CTNND2: variants seen among roughly 807,000 people sequenced by gnomAD.
CTNND2 encodes catenin delta-2.
CTNND2 carries 22 observed loss-of-function variants against 144.4 expected under a neutral mutation model. The observed-to-expected ratio is 0.15, with a 90% CI of 0.11 to 0.22. The LOEUF (loss-of-function observed/expected upper bound fraction) is 0.22, where lower values mean the gene tolerates loss of function less well. Ranked by LOEUF, CTNND2 falls within the 10% of genes least tolerant of loss-of-function variation. The pLI is 1.00. For synonymous variants in CTNND2, 751 were observed against 695.6 expected, an observed-to-expected ratio of 1.08 and a Z score of -1.25; for missense variants, 1,353 against 1,618.8, an observed-to-expected ratio of 0.84 and a Z score of 2.82.
intron 1 of CTNND2, among the ~76,000 whole-genome samples, chr5:11,857,091 T>TG (rs1795287417): frequency 6.6e-6 from 1 of 152,334 alleles, no homozygotes; most frequent in South Asian, 2.1e-4. Context: ...CTTATACTAC[T>TG]GACATCAGGA....
chr5:11,408,566 G>A (rs1032469231), intron 5 of CTNND2, among the ~76,000 whole-genome samples: 6 of 152,010 alleles, frequency 3.9e-5, no homozygotes, highest in African/African-American at 1.4e-4. Flanking sequence ...GGATGAAGGA[G>A]CTTTCAAAAG....
intron 16 of CTNND2, among the ~76,000 whole-genome samples, chr5:11,054,860 C>T (rs1156451477): frequency 1.3e-5 from 2 of 152,102 alleles, no homozygotes; most frequent in Non-Finnish European, 2.9e-5. Context: ...ATATAAAGAG[C>T]CTTTACATTT....
intron 10 of CTNND2, among the ~76,000 whole-genome samples, chr5:11,227,718 T>C (rs1319051777): frequency 6.6e-6 from 1 of 152,182 alleles, no homozygotes; most frequent in Non-Finnish European, 1.5e-5. Flanking sequence ...GTATGCATAT[T>C]TTATGCACAG....
chr5:11,647,391 A>G (rs1217945986), intron 2 of CTNND2, among the ~76,000 whole-genome samples: 1 of 152,024 alleles, frequency 6.6e-6, no homozygotes, highest in Non-Finnish European at 1.5e-5. Context: ...TGTGGAATCC[A>G]ACATCAGCTG....
intron 16 of CTNND2, among the ~76,000 whole-genome samples, chr5:11,049,228 G>A (rs1470496394): frequency 6.6e-6 from 1 of 152,130 alleles, no homozygotes; most frequent in Non-Finnish European, 1.5e-5. Context: ...CTTCTCACCT[G>A]CCTCAATAAC....
intron 9 of CTNND2, among the ~76,000 whole-genome samples, chr5:11,302,352 C>T (rs181951622): frequency 5.1e-4 from 78 of 152,172 alleles, no homozygotes; most frequent in Admixed American, 1.0e-3. Flanking sequence ...GAGTCTTGCA[C>T]ACCTGGAGAC....
intron 16 of CTNND2, among the ~76,000 whole-genome samples, chr5:11,067,725 T>C (rs1262001609): frequency 6.6e-6 from 1 of 152,208 alleles, no homozygotes; most frequent in African/African-American, 2.4e-5. Flanking sequence ...TTGTCAGTGT[T>C]ATATTTGCAT....
intron 9 of CTNND2, among the ~76,000 whole-genome samples, chr5:11,335,099 C>T (rs1213917595): frequency 6.6e-6 from 1 of 152,138 alleles, no homozygotes; most frequent in African/African-American, 2.4e-5. Context: ...CTAAAGCACA[C>T]TTGGTTCAGC....
intron 7 of CTNND2, among the ~76,000 whole-genome samples, chr5:11,377,148 TC>T (rs1414695932): frequency 6.6e-6 from 1 of 152,008 alleles, no homozygotes; most frequent in African/African-American, 2.4e-5. Flanking sequence ...CCTCCTGGGT[TC>T]AAGCAATGCT....
intron 11 of CTNND2, among the ~76,000 whole-genome samples, chr5:11,162,546 C>A (rs1331632492): frequency 6.6e-6 from 1 of 152,194 alleles, no homozygotes; most frequent in Admixed American, 6.5e-5. Context: ...GATCACAGTA[C>A]TTGATCCATA....
At chr5:11,533,851 G>A (rs1309288147) in intron 3 of CTNND2, among the ~76,000 whole-genome samples, 2 of 152,172 alleles carry the variant, frequency 1.3e-5, no homozygotes, top group Non-Finnish European at 2.9e-5. Flanking sequence ...AATGTTCCTA[G>A]GCCTAGAACC....
Position 11,364,884 on chromosome 5 carries a change from G to C in CTNND2, c.1184C>G (p.Ser395Cys). 6.2e-7 allele frequency: 1 copy of C among 1,610,634 alleles called. No individual in the cohort carries two copies. The highest frequency in any genetic ancestry group is 8.5e-7 in the Non-Finnish European group (1 of 1,178,608). ...LQRPGSLAAGSRASYSSQHGH... is the reference protein window; with the variant it reads ...LQRPGSLAAGCRASYSSQHGH... ...ATGCTGGCTGCTGTATGAGGCTCGGGAACCAGCTGAAATAAATCAACAGAG... is the reference window on the plus strand; with the variant it reads ...ATGCTGGCTGCTGTATGAGGCTCGGCAACCAGCTGAAATAAATCAACAGAG... Residue 395 changes from serine (S) to cysteine (C), a missense_variant, in exon 8 of 22, where the codon TCC becomes TGC. Ser to Cys is a moderately radical substitution (Grantham distance 112). This residue lies in a region of CTNND2 where 708 missense variants were observed against 706.4 expected (regional missense o/e 1.00). Transcript: ENST00000304623.
intron 3 of CTNND2, among the ~76,000 whole-genome samples, chr5:11,536,813 A>T (rs186123227): frequency 3.1e-3 from 470 of 152,260 alleles, no homozygotes; most frequent in Non-Finnish European, 5.0e-3. Context: ...AAATCTCAGA[A>T]ATCACCACTA....
chr5:11,233,203 G>A (rs1333242800), intron 10 of CTNND2, among the ~76,000 whole-genome samples: 1 of 152,124 alleles, frequency 6.6e-6, no homozygotes, highest in African/African-American at 2.4e-5. Flanking sequence ...AAGTTCACTA[G>A]AGCAGCAGGA....
At chr5:11,301,292 C>T (rs1007005091) in intron 9 of CTNND2, among the ~76,000 whole-genome samples, 1 of 152,106 alleles carries the variant, frequency 6.6e-6, no homozygotes, top group African/African-American at 2.4e-5. Context: ...GCTGGGATTA[C>T]AGTCATGAGC....
Position 11,903,445 on chromosome 5 carries a change from C to A in CTNND2, c.37+372G>T. 1 of 936,992 alleles carries A rather than the reference C, an allele frequency of 1.1e-6. No individual in the cohort carries two copies. Among genetic ancestry groups the A allele is most frequent in the Non-Finnish European group, 1.3e-6 (1 of 763,254 alleles). The allele number at this position is 936,992 out of a possible 1,614,324, so 58.0% of individuals were successfully genotyped here. The stretch of plus-strand genomic sequence containing the variant: ...GTCCTCCCCACCCCCACCCCGTCTC[C>A]TCCCGTATATTAGGGACGTCATGAA... On this transcript the variant is annotated intron_variant, in intron 1 of 21. Transcript: ENST00000304623. The surrounding 1 kb of genome is among the most constrained non-coding windows in gnomAD (Gnocchi z 5.4).
chr5:11,012,215 T>TC, intron 18 of CTNND2, among the ~76,000 whole-genome samples: 1 of 151,894 alleles, frequency 6.6e-6, no homozygotes, highest in East Asian at 1.9e-4. Flanking sequence ...GGCTTTCCCA[T>TC]CATGGATGGG....
chr5:11,731,687 A>G (rs1479187776), intron 2 of CTNND2, among the ~76,000 whole-genome samples: 1 of 152,232 alleles, frequency 6.6e-6, no homozygotes, highest in African/African-American at 2.4e-5. Context: ...ACATCCTTCC[A>G]GATCCATCTC....
intron 3 of CTNND2, among the ~76,000 whole-genome samples, chr5:11,546,651 C>T (rs1775261625): frequency 1.3e-5 from 2 of 152,032 alleles, no homozygotes; most frequent in African/African-American, 4.8e-5. Flanking sequence ...CTCTGTGGAG[C>T]CTAGCAATGA....
Sources: gnomAD v4.1 joint callset for allele counts (sites outside exome capture counted in the v4.1 genomes callset) on GRCh38, gnomAD v4.1.1 for gene constraint, gnomAD v4.1.1 regional missense constraint, Gnocchi (gnomAD v3.1) non-coding constraint, MANE v1.5 for transcripts, NCBI Gene and HGNC (gene_info 2026-07-23, HGNC 2026-07-21) for gene names.